The following NECAB2 variants were observed in gnomAD, a reference collection of about 807,000 sequenced individuals.
NECAB2 encodes N-terminal EF-hand calcium-binding protein 2.
NECAB2 carries 68 observed loss-of-function variants against 51.9 expected under a neutral mutation model. The ratio of observed to expected loss-of-function variants is 1.31; its 90% CI spans 1.08 to 1.60. The LOEUF (loss-of-function observed/expected upper bound fraction) is 1.60. Ranked by LOEUF, NECAB2 falls within the 40% of genes most tolerant of loss-of-function variation. The pLI is 0.00. For missense variants in NECAB2, 854 were observed against 490.3 expected, an observed-to-expected ratio of 1.74 and a Z score of -7.00; for synonymous variants, 329 against 203.5, an observed-to-expected ratio of 1.62 and a Z score of -5.25.
intron 11 of NECAB2, among the ~76,000 whole-genome samples, chr16:84,001,295 C>G (rs922029991): frequency 6.6e-6 from 1 of 152,062 alleles, no homozygotes. Context: ...AGGGTGGAGA[C>G]TATTGCTGAT....
upstream of NECAB2, among the ~76,000 whole-genome samples, chr16:83,968,050 G>A (rs1301301733): frequency 2.6e-5 from 4 of 152,044 alleles, no homozygotes; most frequent in African/African-American, 7.2e-5. Flanking sequence ...GGAGTATGAA[G>A]GAAAGATGTT....
intron 5 of NECAB2, among the ~76,000 whole-genome samples, chr16:83,988,837 C>CA (rs34834927): frequency 0.31 from 46,889 of 152,112 alleles, 13,694 homozygotes; most frequent in African/African-American, 0.78. Flanking sequence ...TCAGTCCCCC[C>CA]CCATTATGTA....
At position 83,998,173 on chromosome 16, in the gene NECAB2, A is replaced by G. The variant is rs755502789; in HGVS notation, c.850-32A>G. On this transcript the variant is annotated intron_variant, in intron 9 of 12. Transcript: ENST00000305202. Reference sequence around the variant, plus strand: ...TGTTTAGGGAGAAGGCCTGACGTGGAGCCCCACACTGACTCCTGCTGTGCC... The same window carrying G: ...TGTTTAGGGAGAAGGCCTGACGTGGGGCCCCACACTGACTCCTGCTGTGCC... The G allele has an allele frequency of 5.0e-6, 8 of 1,595,344 alleles. No homozygotes were observed. The African/African-American group carries it at 1.1e-4, about 21-fold the overall frequency.
intron 1 of NECAB2, among the ~76,000 whole-genome samples, chr16:83,970,205 G>C (rs1181750796): frequency 6.6e-6 from 1 of 152,172 alleles, no homozygotes; most frequent in African/African-American, 2.4e-5. Context: ...TGATGAGCGG[G>C]GGGTGGGGCG....
intron 1 of NECAB2, among the ~76,000 whole-genome samples, chr16:83,970,595 A>T (rs1052383161): frequency 6.6e-6 from 1 of 152,178 alleles, no homozygotes; most frequent in Non-Finnish European, 1.5e-5. Flanking sequence ...CTTTACCCCA[A>T]GGCGAGGACA....
rs1296261453 is a variant in NECAB2 at position 83,968,599 on chromosome 16, G to A, written c.-50G>A. 1 of 974,380 alleles carries A rather than the reference G, an allele frequency of 1.0e-6. No individual in the cohort carries two copies. Among genetic ancestry groups the A allele is most frequent in the South Asian group, 4.6e-5 (1 of 21,884 alleles). 60.4% of individuals were successfully genotyped at this position (974,380 alleles called of 1,614,324 possible). On this transcript the variant is annotated 5_prime_UTR_variant, in exon 1 of 13. Transcript: ENST00000305202. ...GGGGGTCGCGCGGGGGCGGGCCGCA[G>A]CTGGGCGGGGGTCGGCGGGCTTCCG...
At chr16:83,969,905 C>T (rs996282596) in intron 1 of NECAB2, among the ~76,000 whole-genome samples, 2 of 152,220 alleles carry the variant, frequency 1.3e-5, no homozygotes, top group Non-Finnish European at 2.9e-5. Context: ...CTCTTCCCTG[C>T]TCCTGGAACC....
In NECAB2 at chr16:83,994,318, C is replaced by G; in HGVS notation, c.613C>G (p.Pro205Ala). 1 of 1,614,198 alleles carries G rather than the reference C, an allele frequency of 6.2e-7. No individual in the cohort carries two copies. The highest frequency in any genetic ancestry group is 1.3e-5 in the African/African-American group (1 of 75,036). Reference sequence around the variant, plus strand: ...AAACTGCAGACAGAACCACATCAAACCCAGCCACAGCGCGGCACAGACCTG... The same window carrying G: ...AAACTGCAGACAGAACCACATCAAAGCCAGCCACAGCGCGGCACAGACCTG... The part of the protein sequence containing the change: ...TSQLRQNHIK[P>A]SHSAAQTWCG... Residue 205 changes from proline to alanine, a missense_variant, in exon 7 of 13, where the codon CCC becomes GCC. Physicochemically the swap from Pro to Ala is conservative, Grantham distance 27 (BLOSUM62 -1). Transcript: ENST00000305202.
intron 3 of NECAB2, 67 bp downstream of exon 3, chr16:83,978,619 T>A: frequency 1.5e-6 from 2 of 1,345,040 alleles, no homozygotes; most frequent in Non-Finnish European, 2.1e-6. Context: ...TCTTTTCATC[T>A]AGTGTCCGTT....
At chr16:83,983,567 T>C (rs942422998) in intron 5 of NECAB2, among the ~76,000 whole-genome samples, 1 of 152,250 alleles carries the variant, frequency 6.6e-6, no homozygotes, top group African/African-American at 2.4e-5. Flanking sequence ...CAAATGCCTT[T>C]TGGTATTTTT....
chr16:84,002,151 A>C (rs1388765507), intron 12 of NECAB2, among the ~76,000 whole-genome samples, 167 bp from the exon 13 acceptor site: 1 of 151,946 alleles, frequency 6.6e-6, no homozygotes, highest in African/African-American at 2.4e-5. Flanking sequence ...GCCAGACTGA[A>C]TTTCCCTTCC....
chr16:83,992,210 T>TCACAA (rs58214301), intron 6 of NECAB2, among the ~76,000 whole-genome samples: 48,526 of 151,848 alleles, frequency 0.32, 13,898 homozygotes, highest in African/African-American at 0.77. Flanking sequence ...GGAGTGTTTC[T>TCACAA]TTCTGGTCTT....
intron 2 of NECAB2, among the ~76,000 whole-genome samples, chr16:83,977,125 A>G (rs915256623): frequency 6.6e-5 from 10 of 152,218 alleles, no homozygotes; most frequent in African/African-American, 2.4e-4. Flanking sequence ...GGAAGGTGCC[A>G]TGTGGACTCT....
At chr16:83,977,925 G>C (rs546390223) in intron 2 of NECAB2, among the ~76,000 whole-genome samples, 1 of 152,310 alleles carries the variant, frequency 6.6e-6, no homozygotes, top group African/African-American at 2.4e-5. Context: ...GGAAGCTATG[G>C]AGTGGTGGCT....
At chr16:83,980,801 C>T in intron 3 of NECAB2, 38 bp from the exon 4 acceptor site, 1 of 1,557,354 alleles carries the variant, frequency 6.4e-7, no homozygotes, top group Non-Finnish European at 8.7e-7. Flanking sequence ...AACCCCCTCT[C>T]TGTCTCTGTC....
At chr16:83,965,333 C>T (rs199961054), upstream of NECAB2, 18 of 1,573,824 alleles carry the variant, frequency 1.1e-5, no homozygotes, top group African/African-American at 2.7e-5. Flanking sequence ...CAGCCCGGCC[C>T]GGCTGGGCAT....
rs1186568647 is a variant in NECAB2, at chr16:83,968,405, C to G, written c.-244C>G. 1.3e-5 allele frequency among the ~76,000 whole-genome samples: 2 copies of G among 149,390 alleles called. No homozygotes were observed. The highest frequency in any genetic ancestry group is 4.9e-5 in the African/African-American group (2 of 41,056). ...GCTGCGCCCGCGCCCCTCGCCCCGG[C>G]GGGCAGTCCTCAGGCCCCGCGCCCG... is the stretch of plus-strand genomic sequence containing the variant. On this transcript the variant is annotated 5_prime_UTR_variant, in exon 1 of 13. Transcript: ENST00000305202.
At chr16:83,973,531 A>T (rs958019348) in intron 2 of NECAB2, among the ~76,000 whole-genome samples, 28 of 152,276 alleles carry the variant, frequency 1.8e-4, no homozygotes, top group African/African-American at 6.5e-4. Flanking sequence ...ACGTAGGGAG[A>T]TGAAGTGGCT....
At chr16:83,995,761 A>G (rs1054178940) in intron 8 of NECAB2, among the ~76,000 whole-genome samples, 24 of 152,178 alleles carry the variant, frequency 1.6e-4, no homozygotes, top group African/African-American at 5.1e-4. Context: ...ACAGAGGCTG[A>G]CGTGGAATGA....
Sources: allele counts gnomAD v4.1 joint callset (sites outside exome capture counted in the v4.1 genomes callset), GRCh38; gene constraint gnomAD v4.1.1; transcripts MANE v1.5; gene names NCBI Gene and HGNC (gene_info 2026-07-23, HGNC 2026-07-21).